Variants in WDPCP observed in about 807,000 individuals in gnomAD.
The protein encoded by WDPCP is WD repeat-containing and planar cell polarity effector protein fritz homolog.
In WDPCP, 71 loss-of-function variants were observed where a neutral mutation model predicts 93.1. The observed-to-expected ratio is 0.76, with a 90% CI of 0.63 to 0.93. The LOEUF is 0.93. Ranked by LOEUF, WDPCP falls within the 40% of genes least tolerant of loss-of-function variation. The pLI is 0.00. For missense variants in WDPCP, 844 were observed against 887.4 expected, an observed-to-expected ratio of 0.95 and a Z score of 0.62; for synonymous variants, 315 against 315.0, an observed-to-expected ratio of 1.00 and a Z score of 0.00.
upstream of WDPCP, chr2:63,588,952 T>C: frequency 6.3e-7 from 1 of 1,584,300 alleles, no homozygotes; most frequent in Admixed American, 1.7e-5. Context: ...CTAACACCGC[T>C]CGCCCTCTCC....
chr2:63,355,298 C>T (rs977440564), intron 12 of WDPCP, among the ~76,000 whole-genome samples: 7 of 152,096 alleles, frequency 4.6e-5, no homozygotes, highest in African/African-American at 1.7e-4. Context: ...ATTCAACATT[C>T]TTAAAGAAAA....
intron 3 of WDPCP, chr2:63,595,083 T>C (rs1435917308): frequency 5.7e-6 from 2 of 350,606 alleles, no homozygotes; most frequent in Non-Finnish European, 1.1e-5. Context: ...TGTCAGATAC[T>C]GTACTTAGCT....
rs1054861477 is a variant in WDPCP at position 63,191,880 on chromosome 2, T to C, written c.1916-17048A>G. On this transcript the variant is annotated intron_variant, in intron 14 of 17. Transcript: ENST00000272321. ...ATTTCAGTGTCCAAATAAAGTTTTA[T>C]TGGAGCATAGCCATGCTTGTTTGTT... Among the ~76,000 whole-genome samples, 7 of 152,348 alleles carry C rather than the reference T, an allele frequency of 4.6e-5. No individual in the cohort carries two copies. In the East Asian group the frequency reaches 1.3e-3, roughly 29 times the overall value.
chr2:63,456,122 T>G (rs974978314), intron 6 of WDPCP, among the ~76,000 whole-genome samples: 1 of 152,016 alleles, frequency 6.6e-6, no homozygotes, highest in Non-Finnish European at 1.5e-5. Flanking sequence ...TATATCAAAA[T>G]AAATGCAAAT....
chr2:63,340,730 C>T (rs1207040880), intron 12 of WDPCP, among the ~76,000 whole-genome samples: 4 of 152,064 alleles, frequency 2.6e-5, no homozygotes, highest in Non-Finnish European at 5.9e-5. Flanking sequence ...TTCTCTGTGG[C>T]CCTGGGATCT....
Position 63,556,385 on chromosome 2 carries a change from A to G in WDPCP, c.75+31812T>C, listed in dbSNP as rs1706124589. On this transcript the variant is annotated intron_variant, in intron 1 of 17. Transcript: ENST00000272321. ...AACCTGCGATTGATTGGGGTACCTGAAAGAGATAAGGAGAATGGAACCAAG... is the reference window on the plus strand; with the variant it reads ...AACCTGCGATTGATTGGGGTACCTGGAAGAGATAAGGAGAATGGAACCAAG... Among the ~76,000 whole-genome samples the G allele has an allele frequency of 4.6e-5, 7 of 152,344 alleles. No homozygotes were observed. The South Asian group carries it at 1.4e-3, about 32-fold the overall frequency.
upstream of WDPCP, among the ~76,000 whole-genome samples, chr2:63,828,166 T>C (rs1575783935): frequency 6.9e-6 from 1 of 144,464 alleles, no homozygotes; most frequent in African/African-American, 2.5e-5. Flanking sequence ...GTGGATTTAC[T>C]TTTTTTTTTT....
intron 12 of WDPCP, among the ~76,000 whole-genome samples, chr2:63,371,042 C>T (rs938519963): frequency 6.6e-6 from 1 of 151,938 alleles, no homozygotes; most frequent in African/African-American, 2.4e-5. Flanking sequence ...CCCTTCATAG[C>T]CCTGTCTCAG....
intron 14 of WDPCP, among the ~76,000 whole-genome samples, chr2:63,244,529 A>G (rs912645625): frequency 1.3e-5 from 2 of 152,168 alleles, no homozygotes; most frequent in African/African-American, 4.8e-5. Context: ...AATGACAAAC[A>G]TGACATTACA....
At chr2:63,471,650 G>T (rs1699697900) in intron 6 of WDPCP, among the ~76,000 whole-genome samples, 1 of 152,106 alleles carries the variant, frequency 6.6e-6, no homozygotes, top group African/African-American at 2.4e-5. Flanking sequence ...TACATTAAAT[G>T]ATCTATCAGT....
intron 6 of WDPCP, chr2:63,443,245 G>GT (rs1281989612): frequency 6.6e-6 from 1 of 152,082 alleles, no homozygotes; most frequent in Non-Finnish European, 1.5e-5. Context: ...TTCAAGTGTG[G>GT]ACACAGATAA....
chr2:63,444,824 C>A (rs1697741856), intron 6 of WDPCP, among the ~76,000 whole-genome samples: 1 of 152,162 alleles, frequency 6.6e-6, no homozygotes, highest in Non-Finnish European at 1.5e-5. Context: ...CTTTGACACC[C>A]CGCCAGACAA....
At chr2:63,780,386 C>T (rs769201995) in intron 2 of WDPCP, among the ~76,000 whole-genome samples, 2 of 152,124 alleles carry the variant, frequency 1.3e-5, no homozygotes, top group Non-Finnish European at 2.9e-5. Context: ...AAAGGGTTCT[C>T]GTGCAGGTCT....
intron 6 of WDPCP, among the ~76,000 whole-genome samples, chr2:63,472,427 T>A (rs1006277969): frequency 5.3e-5 from 8 of 152,146 alleles, no homozygotes; most frequent in African/African-American, 1.9e-4. Flanking sequence ...TAATTTTTTT[T>A]ATCTCCTATC....
intron 3 of WDPCP, among the ~76,000 whole-genome samples, chr2:63,618,938 C>G (rs147987891): frequency 0.011 from 1,735 of 152,288 alleles, 38 homozygotes; most frequent in African/African-American, 0.04. Flanking sequence ...ATTCGCCCGC[C>G]TCACCCTCCC....
At chr2:63,679,323 C>T (rs1710461247) in intron 2 of WDPCP, among the ~76,000 whole-genome samples, 1 of 152,096 alleles carries the variant, frequency 6.6e-6, no homozygotes, top group African/African-American at 2.4e-5. Flanking sequence ...CTTCTACATT[C>T]TCGGTGTACA....
chr2:63,601,723 C>G lies in WDPCP; in HGVS notation n.488+48936G>C, dbSNP rs187289921. ...ACAAGAACAAAGGAAGGCATGGGAGCCAAGGAGGACTGAGGGTGGAGAGGC... is the reference window on the plus strand; with the variant it reads ...ACAAGAACAAAGGAAGGCATGGGAGGCAAGGAGGACTGAGGGTGGAGAGGC... On this transcript the variant is annotated intron_variant and non_coding_transcript_variant, in intron 3 of 4. Transcript: ENST00000467687. 3.4e-4 allele frequency among the ~76,000 whole-genome samples: 51 copies of G among 152,174 alleles called. 1 individual carries two copies. The South Asian group carries it at 8.5e-3, about 25-fold the overall frequency.
intron 1 of WDPCP, among the ~76,000 whole-genome samples, chr2:63,572,723 A>AAAAAAAAAAAAAAAAAAAAAACC (rs1707620147): frequency 6.8e-6 from 1 of 148,014 alleles, no homozygotes; most frequent in African/African-American, 2.5e-5. Flanking sequence ...AAAAAAAAAA[A>AAAAAAAAAAAAAAAAAAAAAACC]AAAGTTGGAC....
intron 2 of WDPCP, among the ~76,000 whole-genome samples, chr2:63,762,204 T>C (rs1339160570): frequency 6.6e-6 from 1 of 152,102 alleles, no homozygotes; most frequent in Non-Finnish European, 1.5e-5. Flanking sequence ...TGTGGGAGTC[T>C]GAATCACTGG....
Sources: gnomAD v4.1 joint callset for allele counts (sites outside exome capture counted in the v4.1 genomes callset) on GRCh38, gnomAD v4.1.1 for gene constraint, MANE v1.5 for transcripts, NCBI Gene and HGNC (gene_info 2026-07-23, HGNC 2026-07-21) for gene names.